Variants in TESPA1 observed in about 807,000 individuals in gnomAD.
TESPA1 encodes the protein thymocyte expressed, positive selection associated 1, also known as protein TESPA1.
In TESPA1, 33 loss-of-function variants were observed where a neutral mutation model predicts 57.9. The ratio of observed to expected loss-of-function variants is 0.57; its 90% CI spans 0.43 to 0.76. TESPA1 has a LOEUF of 0.76. Ranked by LOEUF, TESPA1 falls within the 30% of genes least tolerant of loss-of-function variation. TESPA1 has a pLI of 0.00. For missense variants in TESPA1, 618 were observed against 632.9 expected (o/e 0.98, Z 0.25); for synonymous variants, 227 against 228.9 (o/e 0.99, Z 0.07).
chr12:54,958,889 C>A (rs937625301), intron 10 of TESPA1, among the ~76,000 whole-genome samples: 1 of 152,128 alleles, frequency 6.6e-6, no homozygotes, highest in Non-Finnish European at 1.5e-5. Flanking sequence ...TCTCTCTGTT[C>A]ATTTGTTCTT....
In TESPA1 at chr12:54,970,679, T is replaced by G. The variant is rs138590874; in HGVS notation, c.207-2787A>C. Among the ~76,000 whole-genome samples the G allele has an allele frequency of 3.9e-3, 598 of 152,266 alleles. 1 individual carries two copies. Among genetic ancestry groups the G allele is most frequent in the East Asian group, 0.027 (140 of 5,176 alleles). On this transcript the variant is annotated intron_variant, in intron 3 of 10. Transcript: ENST00000449076. ...ATAAAATCAATGACCAGGGACTAGA[T>G]GTATAGTTGCTCCCCTTTTCCCACC...
chr12:54,982,953 G>A (rs545371268), intron 1 of TESPA1, among the ~76,000 whole-genome samples: 7 of 152,244 alleles, frequency 4.6e-5, no homozygotes, highest in South Asian at 2.1e-4. Flanking sequence ...CCTGGGTGTT[G>A]TAAGGCACAC....
chr12:54,974,545 C>G lies in TESPA1; in HGVS notation c.18G>C (p.Leu6=). 6.3e-7 allele frequency: 1 copy of G among 1,595,372 alleles called. No homozygotes were observed. Among genetic ancestry groups the G allele is most frequent in the Non-Finnish European group, 8.5e-7 (1 of 1,170,670 alleles). MEASV[L]SPTSWEKRRA... is the part of the protein sequence containing the mutation. ...GCCGTTTCTCCCAGGATGTGGGGCT[C>G]AGCACAGAGGCCTCCATGGCCCTGG... Residue 6 remains leucine (L), a synonymous_variant, in exon 2 of 11, where the codon CTG becomes CTC. Transcript: ENST00000449076.
Position 54,962,339 on chromosome 12 carries a change from A to C in TESPA1, c.1467+92T>G. On this transcript the variant is annotated intron_variant, in intron 9 of 10. Transcript: ENST00000449076. ...CTGGCTAGGACAGGAAGCCTGGATT[A>C]TTTTTCCCCCAAGGGTTCTAACCCT... 3 of 1,412,140 alleles carry C rather than the reference A, an allele frequency of 2.1e-6. No homozygotes were observed. The South Asian group carries it at 4.1e-5, about 19-fold the overall frequency. 87.5% of individuals were successfully genotyped at this position (1,412,140 alleles called of 1,614,324 possible). A position where few individuals can be genotyped will look rare whatever the true frequency, so the allele number is the denominator to read the frequency against.
intron 5 of TESPA1, 102 bp downstream of exon 5, chr12:54,967,081 T>C: frequency 2.3e-6 from 3 of 1,313,012 alleles, no homozygotes; most frequent in Non-Finnish European, 3.2e-6. Flanking sequence ...ACCCCAGGGA[T>C]GGGCTGTTTC....
intron 10 of TESPA1, among the ~76,000 whole-genome samples, chr12:54,950,856 C>T (rs918736807): frequency 6.6e-6 from 1 of 152,112 alleles, no homozygotes; most frequent in Admixed American, 6.6e-5. Flanking sequence ...AATGACCCCA[C>T]AGGAAAAAGA....
At chr12:54,980,548 G>A (rs1194758605) in intron 1 of TESPA1, among the ~76,000 whole-genome samples, 1 of 152,224 alleles carries the variant, frequency 6.6e-6, no homozygotes, top group Non-Finnish European at 1.5e-5. Context: ...CCCGGTACAT[G>A]GCTGATGTGG....
Position 54,977,837 on chromosome 12 carries a change from T to C in TESPA1, c.-45-3230A>G, listed in dbSNP as rs1263199382. Among the ~76,000 whole-genome samples the C allele has an allele frequency of 3.3e-5, 5 of 152,130 alleles. No individual in the cohort carries two copies. In the East Asian group the frequency reaches 5.8e-4, roughly 18 times the overall value. The stretch of plus-strand genomic sequence containing the variant: ...GCACACAGGATAGAGGACTGGGAAA[T>C]TGCATAAATAATTTTTTTCCCAATC... On this transcript the variant is annotated intron_variant, in intron 1 of 10. Coordinates refer to ENST00000449076, the MANE Select transcript of TESPA1 (RefSeq NM_001136030.3).
intron 1 of TESPA1, among the ~76,000 whole-genome samples, chr12:54,975,492 A>T (rs979275773): frequency 2.0e-5 from 3 of 152,106 alleles, no homozygotes; most frequent in East Asian, 1.9e-4. Context: ...AATAGAGCTT[A>T]AAAAAGCTTG....
intron 1 of TESPA1, among the ~76,000 whole-genome samples, chr12:54,977,478 A>G (rs1952177052): frequency 6.6e-6 from 1 of 152,214 alleles, no homozygotes; most frequent in Non-Finnish European, 1.5e-5. Flanking sequence ...ACAATTGAGA[A>G]CAAAGATTGC....
chr12:54,953,125 G>A (rs1950498433), intron 10 of TESPA1, among the ~76,000 whole-genome samples: 1 of 151,996 alleles, frequency 6.6e-6, no homozygotes, highest in Admixed American at 6.6e-5. Context: ...TTCCTACCCA[G>A]TCCATCTCCC....
intron 3 of TESPA1, among the ~76,000 whole-genome samples, chr12:54,971,846 T>C (rs182853945): frequency 6.6e-6 from 1 of 152,122 alleles, no homozygotes; most frequent in East Asian, 1.9e-4. Flanking sequence ...TTTCTGGGAA[T>C]TTTTTTTCTG....
intron 10 of TESPA1, 96 bp from the exon 11 acceptor site, chr12:54,950,486 G>A (rs897360918): frequency 2.2e-5 from 8 of 367,104 alleles, no homozygotes; most frequent in Non-Finnish European, 4.3e-5. Flanking sequence ...CTGTGGAAAT[G>A]TTTCTCAGTA....
At chr12:54,968,534 G>A (rs1951596719) in intron 3 of TESPA1, among the ~76,000 whole-genome samples, 1 of 152,156 alleles carries the variant, frequency 6.6e-6, no homozygotes, top group African/African-American at 2.4e-5. Flanking sequence ...AATTCTCTCT[G>A]TCCAAAACAG....
rs114804696 is a variant in TESPA1 at position 54,950,114 on chromosome 12, G to T, written c.*278C>A. 1,013 of 351,958 alleles carry T rather than the reference G, an allele frequency of 2.9e-3. 7 individuals carry two copies. The highest frequency in any genetic ancestry group is 0.019 in the African/African-American group (893 of 46,918). The allele number at this position is 351,958 out of a possible 1,614,324, so 21.8% of individuals were successfully genotyped here. ...CATTATATATTTTAATACACACATAGTAGAGAAACCAGTGTACAGAGAAAT... is the reference window on the plus strand; with the variant it reads ...CATTATATATTTTAATACACACATATTAGAGAAACCAGTGTACAGAGAAAT... On this transcript the variant is annotated 3_prime_UTR_variant, in exon 11 of 11. Coordinates refer to ENST00000449076, the MANE Select transcript of TESPA1 (RefSeq NM_001136030.3).
In TESPA1 at chr12:54,979,839, G is replaced by A. The variant is rs536089312; in HGVS notation, c.-46+4746C>T. Among the ~76,000 whole-genome samples the A allele has an allele frequency of 4.6e-5, 7 of 152,238 alleles. No homozygotes were observed. In the East Asian group the frequency reaches 1.2e-3, roughly 25 times the overall value. On this transcript the variant is annotated intron_variant, in intron 1 of 10. Coordinates refer to ENST00000449076, the MANE Select transcript of TESPA1 (RefSeq NM_001136030.3). ...TCTGTTTTCCCAGGGAAGCAGGTGGGGATTCACTACACATTGACACGGGCA... is the reference window on the plus strand; with the variant it reads ...TCTGTTTTCCCAGGGAAGCAGGTGGAGATTCACTACACATTGACACGGGCA...
rs773791963 is a variant in TESPA1, at chr12:54,963,780, C to A, written c.617G>T (p.Arg206Leu). The A allele has an allele frequency of 2.5e-6, 4 of 1,613,626 alleles. No individual in the cohort carries two copies. The highest frequency in any genetic ancestry group is 2.2e-5 in the South Asian group (2 of 91,068). The change falls in exon 8 of 11, where the codon CGG becomes CTG. Residue 206 changes from arginine (R) to leucine (L), a missense_variant. Arg to Leu is a moderately radical substitution (Grantham distance 102). Transcript: ENST00000449076. ...DFQLFLKSQV[R>L]RIEMEDPCLM... ...GCAGGGGTCTTCCATTTCAATCCTC[C>A]GCACCTGGGACTTCAGGAAGAGCTG...
intron 10 of TESPA1, among the ~76,000 whole-genome samples, chr12:54,955,154 T>C (rs1400022699): frequency 6.6e-6 from 1 of 152,256 alleles, no homozygotes; most frequent in Non-Finnish European, 1.5e-5. Flanking sequence ...TCATTGTGAT[T>C]TTGATTTGCA....
intron 10 of TESPA1, among the ~76,000 whole-genome samples, chr12:54,952,654 C>T (rs1234444955): frequency 6.6e-6 from 1 of 152,158 alleles, no homozygotes. Flanking sequence ...CTGTTAAATT[C>T]TCTCTCTGTA....
Sources: gnomAD v4.1 joint callset for allele counts (sites outside exome capture counted in the v4.1 genomes callset) on GRCh38, gnomAD v4.1.1 for gene constraint, MANE v1.5 for transcripts, NCBI Gene and HGNC (gene_info 2026-07-23, HGNC 2026-07-21) for gene names.